The following RPL22 variants were observed in gnomAD, a reference collection of about 807,000 sequenced individuals.
The protein encoded by RPL22 is ribosomal protein L22, also known as large ribosomal subunit protein eL22.
RPL22 carries 4 observed loss-of-function variants against 16.2 expected under a neutral mutation model. That is an observed-to-expected ratio of 0.25 (90% CI 0.12 to 0.57). RPL22 has a LOEUF of 0.57. Ranked by LOEUF, RPL22 falls within the 20% of genes least tolerant of loss-of-function variation. The pLI is 0.92. For synonymous variants in RPL22, 43 were observed against 54.8 expected (o/e 0.78, Z 0.95); for missense variants, 83 against 156.1 (o/e 0.53, Z 2.49).
At chr1:6,192,349 G>A (rs1667662904) in intron 3 of RPL22, among the ~76,000 whole-genome samples, 2 of 152,168 alleles carry the variant, frequency 1.3e-5, no homozygotes, top group South Asian at 4.1e-4. Flanking sequence ...GCCCAGCCAA[G>A]AATATTTTTG....
intron 3 of RPL22, among the ~76,000 whole-genome samples, chr1:6,191,564 A>C (rs1667651392): frequency 6.7e-6 from 1 of 149,924 alleles, no homozygotes; most frequent in Non-Finnish European, 1.5e-5. Context: ...AGTCCCAGCT[A>C]CTCGGGAGGC....
At position 6,186,015 on chromosome 1, in the gene RPL22, C is replaced by G. The variant is rs1667577856; in HGVS notation, c.*657G>C. On this transcript the variant is annotated 3_prime_UTR_variant, in exon 4 of 4. Coordinates refer to ENST00000234875, the MANE Select transcript of RPL22 (RefSeq NM_000983.4). ...CGAAAGTGACAGTTTGTTGCAAAGA[C>G]CTGTAGAAACATTACTTACACGTTC... 4.3e-6 allele frequency: 1 copy of G among 230,682 alleles called. No individual in the cohort carries two copies. Among genetic ancestry groups the G allele is most frequent in the African/African-American group, 2.2e-5 (1 of 45,198 alleles). 14.3% of individuals were successfully genotyped at this position (230,682 alleles called of 1,614,324 possible). A position where few individuals can be genotyped will look rare whatever the true frequency, so the allele number is the denominator to read the frequency against.
At chr1:6,197,186 C>CGTGG (rs1475865318) in intron 2 of RPL22, among the ~76,000 whole-genome samples, 1 of 152,194 alleles carries the variant, frequency 6.6e-6, no homozygotes, top group Non-Finnish European at 1.5e-5. Flanking sequence ...CACACCACCA[C>CGTGG]ACCCAGCTAA....
chr1:6,197,181 C>G (rs1667731326), intron 2 of RPL22, among the ~76,000 whole-genome samples: 1 of 152,158 alleles, frequency 6.6e-6, no homozygotes. Context: ...AGGTGCACAC[C>G]ACCACACCCA....
chr1:6,199,273 G>A lies in RPL22; in HGVS notation c.12+289C>T, dbSNP rs143523640. ...GCCCCCGGCCGGGGTCCGAGGACCAGTGGCCGGCCCAGACCGCAGTCTCCA... is the reference window on the plus strand; with the variant it reads ...GCCCCCGGCCGGGGTCCGAGGACCAATGGCCGGCCCAGACCGCAGTCTCCA... On this transcript the variant is annotated intron_variant, in intron 1 of 3. Transcript: ENST00000234875. 1,271 of 641,310 alleles carry A rather than the reference G, an allele frequency of 2.0e-3. 12 individuals carry two copies. The highest frequency in any genetic ancestry group is 0.02 in the African/African-American group (1,033 of 52,886). The allele number at this position is 641,310 out of a possible 1,614,324, so 39.7% of individuals were successfully genotyped here. A position where few individuals can be genotyped will look rare whatever the true frequency, so the allele number is the denominator to read the frequency against.
chr1:6,192,853 G>A lies in RPL22; in HGVS notation c.242+77C>T. The A allele has an allele frequency of 3.2e-6, 5 of 1,563,662 alleles. No homozygotes were observed. The East Asian group carries it at 9.0e-5, about 28-fold the overall frequency. On this transcript the variant is annotated intron_variant, in intron 3 of 3. Coordinates refer to ENST00000234875, the MANE Select transcript of RPL22 (RefSeq NM_000983.4). ...GATGCAAACCAATCACTCTGCGGGT[G>A]CCCCCACTCCCATGCAGGGAAAAGG...
At chr1:6,189,544 G>A (rs1667623405) in intron 3 of RPL22, among the ~76,000 whole-genome samples, 1 of 145,094 alleles carries the variant, frequency 6.9e-6, no homozygotes, top group African/African-American at 2.6e-5. Context: ...TGGTGACAGA[G>A]TAAGACCCTA....
chr1:6,194,049 T>C (rs981388415), intron 2 of RPL22, among the ~76,000 whole-genome samples: 3 of 151,896 alleles, frequency 2.0e-5, no homozygotes, highest in African/African-American at 7.3e-5. Flanking sequence ...CTACAAAAAA[T>C]ACAAATATTA....
chr1:6,187,487 G>A (rs549646003), intron 3 of RPL22, among the ~76,000 whole-genome samples: 13 of 151,806 alleles, frequency 8.6e-5, no homozygotes, highest in Middle Eastern at 3.4e-3. Flanking sequence ...CGTGCTGGGC[G>A]CCTGTAGTCC....
chr1:6,189,033 G>A (rs1360119126), intron 3 of RPL22, among the ~76,000 whole-genome samples: 2 of 152,246 alleles, frequency 1.3e-5, no homozygotes, highest in Admixed American at 1.3e-4. Flanking sequence ...TCATCCACCC[G>A]TCTGGGCCTC....
Position 6,186,373 on chromosome 1 carries a change from C to T in RPL22, c.*299G>A, listed in dbSNP as rs1667581986. On this transcript the variant is annotated 3_prime_UTR_variant, in exon 4 of 4. Transcript: ENST00000234875. ...AACTGACAGTCACACTTTTTAAAAT[C>T]AAACAGTCACTACCTTCAGCCCACA... 1 of 296,212 alleles carries T rather than the reference C, an allele frequency of 3.4e-6. No individual in the cohort carries two copies. Among genetic ancestry groups the T allele is most frequent in the African/African-American group, 2.2e-5 (1 of 46,282 alleles). 18.3% of individuals were successfully genotyped at this position (296,212 alleles called of 1,614,324 possible). A position where few individuals can be genotyped will look rare whatever the true frequency, so the allele number is the denominator to read the frequency against.
chr1:6,196,170 T>C (rs1214981735), intron 2 of RPL22, among the ~76,000 whole-genome samples: 1 of 152,214 alleles, frequency 6.6e-6, no homozygotes, highest in Non-Finnish European at 1.5e-5. Context: ...TCAAGATTCA[T>C]AAATGACTTA....
chr1:6,192,482 G>A (rs1367827971), intron 3 of RPL22, among the ~76,000 whole-genome samples: 1 of 152,198 alleles, frequency 6.6e-6, no homozygotes, highest in African/African-American at 2.4e-5. Context: ...TGGATCACTT[G>A]AGGGGAGGAA....
At chr1:6,197,902 G>C (rs1337486890) in intron 1 of RPL22, 146 bp from the exon 2 acceptor site, 5 of 668,358 alleles carry the variant, frequency 7.5e-6, no homozygotes, top group Non-Finnish European at 1.3e-5. Flanking sequence ...AGGGCCAAGA[G>C]GCATCACTGC....
rs1369256312 is a variant in RPL22 at position 6,185,407 on chromosome 1, T to C, written c.*1265A>G. On this transcript the variant is annotated 3_prime_UTR_variant, in exon 4 of 4. Transcript: ENST00000234875. ...CAATTCTGCTTCAAAGAAATTTGCATAGAAATGGAAAAATGCCAGAGCCTT... is the reference window on the plus strand; with the variant it reads ...CAATTCTGCTTCAAAGAAATTTGCACAGAAATGGAAAAATGCCAGAGCCTT... 5.0e-6 allele frequency: 2 copies of C among 398,908 alleles called. No individual in the cohort carries two copies. Among genetic ancestry groups the C allele is most frequent in the African/African-American group, 2.1e-5 (1 of 48,622 alleles). 24.7% of individuals were successfully genotyped at this position (398,908 alleles called of 1,614,324 possible).
At chr1:6,199,291 A>G (rs944717194) in intron 1 of RPL22, 2 of 806,246 alleles carry the variant, frequency 2.5e-6, no homozygotes, top group Non-Finnish European at 3.4e-6. Flanking sequence ...CCCAGACCGC[A>G]GTCTCCAGGC....
At chr1:6,199,221 T>C in intron 1 of RPL22, 1 of 334,736 alleles carries the variant, frequency 3.0e-6, no homozygotes, top group Non-Finnish European at 5.2e-6. Flanking sequence ...CCCGTTCTTC[T>C]TCCCCGCCCT....
chr1:6,188,025 A>G (rs1667603668), intron 3 of RPL22, among the ~76,000 whole-genome samples: 1 of 142,976 alleles, frequency 7.0e-6, no homozygotes, highest in African/African-American at 3.0e-5. Flanking sequence ...GGTGAGAGCT[A>G]AACACTCACC....
chr1:6,188,384 C>G (rs1444545697), intron 3 of RPL22, among the ~76,000 whole-genome samples: 2 of 152,082 alleles, frequency 1.3e-5, no homozygotes, highest in Admixed American at 6.5e-5. Context: ...GCCCAACACC[C>G]TAACTACATA....
Sources: gnomAD v4.1 joint callset for allele counts (sites outside exome capture counted in the v4.1 genomes callset) on GRCh38, gnomAD v4.1.1 for gene constraint, MANE v1.5 for transcripts, NCBI Gene and HGNC (gene_info 2026-07-23, HGNC 2026-07-21) for gene names.